The following USH2A variants were observed in gnomAD, a reference collection of about 807,000 sequenced individuals.
USH2A encodes usherin.
Under a neutral mutation model 538.9 loss-of-function variants are expected in USH2A, and 443 were observed. The observed-to-expected ratio is 0.82, with a 90% CI of 0.76 to 0.89. The LOEUF (loss-of-function observed/expected upper bound fraction) is 0.89. USH2A is among the 40% of genes least tolerant of loss of function. The probability of loss-of-function intolerance (pLI) is 0.00; values close to 1 mark genes in which losing one functional copy is unlikely to be tolerated. For missense variants in USH2A, 6,633 were observed against 6,324.8 expected (o/e 1.05, Z -1.65); for synonymous variants, 2,413 against 2,273.5 (o/e 1.06, Z -1.75).
At chr1:215,671,423 G>C (rs1412708992) in intron 63 of USH2A, 130 bp from the exon 64 acceptor site, 1 of 1,022,272 alleles carries the variant, frequency 9.8e-7, no homozygotes, top group African/African-American at 1.6e-5. Flanking sequence ...TAATTCTTAA[G>C]AATAACAAAG....
At chr1:215,914,052 A>G (rs1173450542) in intron 38 of USH2A, among the ~76,000 whole-genome samples, 1 of 148,440 alleles carries the variant, frequency 6.7e-6, no homozygotes, top group Non-Finnish European at 1.5e-5. Context: ...AAGGTTAGCC[A>G]TTGTCAAGCA....
At chr1:215,754,918 T>G (rs1259595102) in intron 58 of USH2A, among the ~76,000 whole-genome samples, 1 of 152,186 alleles carries the variant, frequency 6.6e-6, no homozygotes, top group East Asian at 1.9e-4. Context: ...AGCTTTCTAG[T>G]TACTAGTTTC....
chr1:216,235,751 G>A (rs1371138292), intron 13 of USH2A, among the ~76,000 whole-genome samples: 2 of 152,194 alleles, frequency 1.3e-5, no homozygotes, highest in African/African-American at 4.8e-5. Flanking sequence ...AGAAAGAAAA[G>A]AAGTGTAACC....
At position 215,650,665 on chromosome 1, in the gene USH2A, G is replaced by T; in HGVS notation, c.14270C>A (p.Ala4757Asp). The change falls in exon 65 of 72, where the codon GCC (alanine) becomes GAC (aspartate). Residue 4757 changes from alanine to aspartate, a missense_variant. By Grantham distance (126) the Ala-to-Asp change is moderately radical. Coordinates refer to ENST00000307340, the MANE Select transcript of USH2A (RefSeq NM_206933.4). Reference protein sequence around the residue: ...SSTQAVVNISAPGKPNGIVSL... With the variant: ...SSTQAVVNISDPGKPNGIVSL... ...GACGATCCCGTTGGGCTTCCCAGGG[G>T]CACTGATGTTGACCACTGCTTGGGT... The T allele has an allele frequency of 6.2e-7, 1 of 1,614,094 alleles. No homozygotes were observed. Among genetic ancestry groups the T allele is most frequent in the Non-Finnish European group, 8.5e-7 (1 of 1,180,026 alleles).
Position 216,084,632 on chromosome 1 carries a change from A to T in USH2A, c.5167+66T>A, listed in dbSNP as rs116407850. ...AGGTCAAGTTAATCAAACAGGAGAG[A>T]TTAAATTATACAAAGGATAGAACAT... On this transcript the variant is annotated intron_variant, in intron 25 of 71. Transcript: ENST00000307340. 1.4e-3 allele frequency: 2,121 copies of T among 1,567,224 alleles called. 17 individuals carry two copies. In the African/African-American group the frequency reaches 0.024, roughly 18 times the overall value.
Position 215,888,818 on chromosome 1 carries a change from A to G in USH2A, c.7831T>C (p.Ser2611Pro), listed in dbSNP as rs775696590. The G allele has an allele frequency of 6.2e-6, 10 of 1,614,132 alleles. No homozygotes were observed. In the South Asian group the frequency reaches 8.8e-5, roughly 14 times the overall value. ...GTCCATACAGTCTGGGACTCTGGTG[A>G]AAGGGAACATCCTTTTGAAGTGCAG... ...EACTSKGCSL[S>P]PESQTVWTLP... Residue 2611 changes from serine (S) to proline (P), a missense_variant, in exon 41 of 72, where the codon TCA becomes CCA. By Grantham distance (74) the Ser-to-Pro change is moderately conservative. Coordinates refer to ENST00000307340, the MANE Select transcript of USH2A (RefSeq NM_206933.4).
At chr1:216,091,935 T>C (rs1403609001) in intron 22 of USH2A, among the ~76,000 whole-genome samples, 1 of 152,168 alleles carries the variant, frequency 6.6e-6, no homozygotes, top group Non-Finnish European at 1.5e-5. Flanking sequence ...CTCATGTCTG[T>C]AATCCTAGCA....
At chr1:216,394,750 G>C (rs1196575677) in intron 3 of USH2A, among the ~76,000 whole-genome samples, 12 of 84,212 alleles carry the variant, frequency 1.4e-4, no homozygotes, top group African/African-American at 4.8e-4. Context: ...ACAGAGTCTC[G>C]CTCTGTCGCC....
At chr1:215,963,236 G>A (rs967494115) in intron 37 of USH2A, among the ~76,000 whole-genome samples, 8 of 152,012 alleles carry the variant, frequency 5.3e-5, no homozygotes, top group African/African-American at 1.9e-4. Context: ...TTCTTGTAGA[G>A]CCATGCAGAC....
chr1:215,924,931 T>C (rs944438117), intron 38 of USH2A, among the ~76,000 whole-genome samples: 7 of 152,122 alleles, frequency 4.6e-5, no homozygotes, highest in African/African-American at 1.7e-4. Context: ...GTTGAGTCCA[T>C]AGTAAGCACA....
chr1:216,080,192 T>C (rs773153258), intron 26 of USH2A, among the ~76,000 whole-genome samples: 11 of 151,954 alleles, frequency 7.2e-5, no homozygotes, highest in Non-Finnish European at 1.3e-4. Flanking sequence ...GATTATTCAG[T>C]GAGTGTAAAA....
intron 22 of USH2A, among the ~76,000 whole-genome samples, chr1:216,094,068 T>C (rs2032378469): frequency 6.6e-6 from 1 of 152,212 alleles, no homozygotes; most frequent in South Asian, 2.1e-4. Context: ...TAGTTTTTTT[T>C]CCATCTGGCT....
chr1:215,795,421 G>A (rs557723082), intron 50 of USH2A, among the ~76,000 whole-genome samples: 20 of 152,184 alleles, frequency 1.3e-4, no homozygotes, highest in African/African-American at 4.6e-4. Context: ...TCCTTGATTA[G>A]GTTGTAAGTT....
intron 21 of USH2A, among the ~76,000 whole-genome samples, chr1:216,124,978 AT>A (rs2033219110): frequency 6.6e-6 from 1 of 152,162 alleles, no homozygotes; most frequent in South Asian, 2.1e-4. Flanking sequence ...TATTTTAACA[AT>A]TGTAATAAAA....
chr1:216,067,512 G>A (rs1571931048), intron 30 of USH2A, among the ~76,000 whole-genome samples: 1 of 151,182 alleles, frequency 6.6e-6, no homozygotes, highest in South Asian at 2.1e-4. Context: ...AAAAAAAAAG[G>A]CTATGAAAAA....
intron 4 of USH2A, among the ~76,000 whole-genome samples, chr1:216,359,264 T>C (rs1180970286): frequency 6.6e-6 from 1 of 152,100 alleles, no homozygotes; most frequent in Admixed American, 6.6e-5. Context: ...GTGTTATCCC[T>C]ATCTTATTGT....
intron 32 of USH2A, among the ~76,000 whole-genome samples, chr1:216,019,405 G>A (rs1184517399): frequency 1.3e-5 from 2 of 152,136 alleles, no homozygotes; most frequent in Non-Finnish European, 2.9e-5. Flanking sequence ...TAATTTTGTA[G>A]TAATTTTGTA....
intron 35 of USH2A, among the ~76,000 whole-genome samples, chr1:215,971,869 C>G (rs191784896): frequency 6.6e-6 from 1 of 152,140 alleles, no homozygotes; most frequent in African/African-American, 2.4e-5. Flanking sequence ...TGTGCCTGAA[C>G]TAAAAGGGGA....
rs551129776 is a variant in USH2A, at chr1:215,891,779, C to T, written c.7595-2725G>A. On this transcript the variant is annotated intron_variant, in intron 40 of 71. Coordinates refer to ENST00000307340, the MANE Select transcript of USH2A (RefSeq NM_206933.4). Reference sequence around the variant, plus strand: ...TGTGGAGTATAACATGTTGTCAATGCGGCTGTCACTGGAGGGGAGACTGGG... The same window carrying T: ...TGTGGAGTATAACATGTTGTCAATGTGGCTGTCACTGGAGGGGAGACTGGG... Among the ~76,000 whole-genome samples, 11 of 152,176 alleles carry T rather than the reference C, an allele frequency of 7.2e-5. No homozygotes were observed. The East Asian group carries it at 2.1e-3, about 29-fold the overall frequency.
Sources: gnomAD v4.1 joint callset for allele counts (sites outside exome capture counted in the v4.1 genomes callset) on GRCh38, gnomAD v4.1.1 for gene constraint, MANE v1.5 for transcripts, NCBI Gene and HGNC (gene_info 2026-07-23, HGNC 2026-07-21) for gene names.